DOCK3: variants seen among roughly 807,000 people sequenced by gnomAD.
DOCK3 encodes dedicator of cytokinesis 3.
DOCK3 carries 60 observed loss-of-function variants against 265.6 expected under a neutral mutation model. The ratio of observed to expected loss-of-function variants is 0.23; its 90% CI spans 0.18 to 0.28. DOCK3 has a LOEUF of 0.28. Ranked by LOEUF, DOCK3 falls within the 10% of genes least tolerant of loss-of-function variation. The pLI, the probability that DOCK3 is intolerant of heterozygous loss-of-function variation, is 1.00. For missense variants in DOCK3, 1,981 were observed against 2,594.3 expected (o/e 0.76, Z 5.14); for synonymous variants, 881 against 938.0 (o/e 0.94, Z 1.11).
At chr3:50,989,004 T>C (rs1239110953) in intron 5 of DOCK3, among the ~76,000 whole-genome samples, 2 of 152,084 alleles carry the variant, frequency 1.3e-5, no homozygotes, top group African/African-American at 4.8e-5. Flanking sequence ...AAAGACCCTA[T>C]GTGCTTTATC....
chr3:51,087,133 G>A (rs2082456302), intron 7 of DOCK3, among the ~76,000 whole-genome samples: 1 of 152,112 alleles, frequency 6.6e-6, no homozygotes. Flanking sequence ...TATGAGACCA[G>A]CGTTACACAT....
At chr3:51,090,193 A>G (rs1560046328) in intron 8 of DOCK3, 37 bp from the exon 9 acceptor site, 2 of 1,514,940 alleles carry the variant, frequency 1.3e-6, no homozygotes, top group South Asian at 2.6e-5. Flanking sequence ...AAAAATAACT[A>G]AAATAAAAAT....
rs191204326 is a variant in DOCK3 at position 51,038,843 on chromosome 3, T to C, written c.316-25605T>C. On this transcript the variant is annotated intron_variant, in intron 5 of 52. Coordinates refer to ENST00000266037, the MANE Select transcript of DOCK3 (RefSeq NM_004947.5). ...CCCATCTCCTGTTCTCCCACACATA[T>C]ATTAAGATAAGTACAGGCATGTATT... 7.2e-3 allele frequency among the ~76,000 whole-genome samples: 1,090 copies of C among 152,172 alleles called. 14 individuals are homozygous for C. Among genetic ancestry groups the C allele is most frequent in the African/African-American group, 0.025 (1,025 of 41,530 alleles).
At chr3:51,027,317 T>C (rs1190904096) in intron 5 of DOCK3, among the ~76,000 whole-genome samples, 1 of 152,168 alleles carries the variant, frequency 6.6e-6, no homozygotes, top group Non-Finnish European at 1.5e-5. Flanking sequence ...AGAAGATGCT[T>C]AGTATGCCTT....
chr3:51,248,052 T>C (rs895470530), intron 22 of DOCK3, among the ~76,000 whole-genome samples: 1 of 152,256 alleles, frequency 6.6e-6, no homozygotes, highest in South Asian at 2.1e-4. Flanking sequence ...TCAGTCAATG[T>C]TGCTTGATAC....
chr3:51,060,266 T>A (rs2081366010), intron 5 of DOCK3, among the ~76,000 whole-genome samples: 1 of 152,084 alleles, frequency 6.6e-6, no homozygotes, highest in African/African-American at 2.4e-5. Flanking sequence ...TCAGTTCATA[T>A]TTATTTAACC....
rs2087984431 is a variant in DOCK3, at chr3:51,374,971, G to A, written c.5412+384G>A. Among the ~76,000 whole-genome samples, 1 of 152,172 alleles carries A rather than the reference G, an allele frequency of 6.6e-6. No homozygotes were observed. The highest frequency in any genetic ancestry group is 1.5e-5 in the Non-Finnish European group (1 of 68,016). On this transcript the variant is annotated intron_variant, in intron 50 of 52. Transcript: ENST00000266037. This position sits in a 1 kb window ranked among gnomAD's most constrained non-coding sequence, Gnocchi z 4.8. ...GAAGATGTTCTTCCTCCCTATTTGT[G>A]GGGCATCCTCACTGGAACAAACTCT... is the stretch of plus-strand genomic sequence containing the variant.
intron 5 of DOCK3, among the ~76,000 whole-genome samples, chr3:50,934,444 C>T (rs2051244327): frequency 6.6e-6 from 1 of 152,094 alleles, no homozygotes. Context: ...GGTATAAAGG[C>T]CGATAAATTG....
intron 2 of DOCK3, among the ~76,000 whole-genome samples, chr3:50,810,890 T>C (rs756235425): frequency 1.9e-4 from 29 of 152,284 alleles, no homozygotes; most frequent in Non-Finnish European, 3.7e-4. Flanking sequence ...CTGGATGAAA[T>C]ATGGGTTTCA....
chr3:51,243,558 G>A (rs1462631893), intron 21 of DOCK3, among the ~76,000 whole-genome samples: 2 of 151,942 alleles, frequency 1.3e-5, no homozygotes, highest in African/African-American at 4.8e-5. Flanking sequence ...TTTAAAAAGA[G>A]GTTATTTGTT....
At chr3:51,011,701 T>G (rs2078959288) in intron 5 of DOCK3, among the ~76,000 whole-genome samples, 1 of 152,224 alleles carries the variant, frequency 6.6e-6, no homozygotes, top group Non-Finnish European at 1.5e-5. Flanking sequence ...AGAGGCACAC[T>G]GATTTTTAGA....
At chr3:50,996,174 G>A (rs1180708867) in intron 5 of DOCK3, among the ~76,000 whole-genome samples, 1 of 151,456 alleles carries the variant, frequency 6.6e-6, no homozygotes, top group African/African-American at 2.4e-5. Context: ...GCATCTGGCC[G>A]TATTGTTGAT....
chr3:50,788,805 G>A (rs1308208557), intron 2 of DOCK3, among the ~76,000 whole-genome samples: 1 of 150,592 alleles, frequency 6.6e-6, no homozygotes, highest in East Asian at 2.0e-4. Flanking sequence ...AGGCAGGGGA[G>A]GGGGGTGGGT....
At chr3:50,919,672 A>G (rs1487218236) in intron 4 of DOCK3, among the ~76,000 whole-genome samples, 1 of 152,090 alleles carries the variant, frequency 6.6e-6, no homozygotes, top group Non-Finnish European at 1.5e-5. Context: ...GGGTTTTCTA[A>G]CTATACAATC....
intron 12 of DOCK3, among the ~76,000 whole-genome samples, chr3:51,167,861 T>A (rs962856944): frequency 6.6e-6 from 1 of 152,180 alleles, no homozygotes; most frequent in African/African-American, 2.4e-5. Context: ...TTTTTATATG[T>A]ATATAAGGTC....
chr3:51,266,452 A>G (rs953280195), intron 23 of DOCK3, among the ~76,000 whole-genome samples: 5 of 152,230 alleles, frequency 3.3e-5, no homozygotes, highest in African/African-American at 1.2e-4. Context: ...CAGTAACCAA[A>G]ACAGTATGGT....
intron 32 of DOCK3, among the ~76,000 whole-genome samples, chr3:51,320,070 C>A (rs10865970): frequency 1.3e-5 from 2 of 151,954 alleles, no homozygotes; most frequent in Non-Finnish European, 2.9e-5. Flanking sequence ...CTGTAGCTCC[C>A]AAGATCAACA....
intron 26 of DOCK3, chr3:51,278,672 A>G: frequency 1.9e-6 from 1 of 530,128 alleles, no homozygotes; most frequent in Non-Finnish European, 2.4e-6. Flanking sequence ...CTTCTAACCA[A>G]CACTTACACA....
chr3:50,746,042 G>A (rs1280078182), intron 1 of DOCK3, among the ~76,000 whole-genome samples: 1 of 151,104 alleles, frequency 6.6e-6, no homozygotes, highest in African/African-American at 2.4e-5. Flanking sequence ...TTCAGTCTAT[G>A]TCTTATGTTT....
Sources: allele counts gnomAD v4.1 joint callset (sites outside exome capture counted in the v4.1 genomes callset), GRCh38; gene constraint gnomAD v4.1.1; non-coding constraint Gnocchi (gnomAD v3.1); transcripts MANE v1.5; gene names NCBI Gene and HGNC (gene_info 2026-07-23, HGNC 2026-07-21).